The following JAKMIP3 variants were observed in gnomAD, a reference collection of about 807,000 sequenced individuals.
JAKMIP3 encodes janus kinase and microtubule-interacting protein 3.
JAKMIP3 carries 58 observed loss-of-function variants against 118.5 expected under a neutral mutation model. The ratio of observed to expected loss-of-function variants is 0.49; its 90% CI spans 0.40 to 0.61. The LOEUF is 0.61. Among genes scored for constraint, JAKMIP3 ranks in the 20% least tolerant of loss-of-function variants. JAKMIP3 has a pLI of 0.00. For missense variants in JAKMIP3, 950 were observed against 1,109.0 expected (o/e 0.86, Z 2.04); for synonymous variants, 486 against 451.2 (o/e 1.08, Z -0.98).
intron 3 of JAKMIP3, among the ~76,000 whole-genome samples, chr10:132,130,851 C>G (rs1264455031): frequency 6.6e-6 from 1 of 152,132 alleles, no homozygotes; most frequent in African/African-American, 2.4e-5. Context: ...TGAAATGCAG[C>G]TTCCCAGGCT....
chr10:132,180,767 G>GTGTATGCA (rs1554963472), intron 23 of JAKMIP3, among the ~76,000 whole-genome samples: 1 of 29,500 alleles, frequency 3.4e-5, no homozygotes, highest in African/African-American at 1.3e-4. Flanking sequence ...GTGCGTGTGT[G>GTGTATGCA]TGCGTGTGTG....
chr10:132,071,410 T>C (rs1213521781), intron 1 of JAKMIP3, among the ~76,000 whole-genome samples: 1 of 152,220 alleles, frequency 6.6e-6, no homozygotes, highest in Non-Finnish European at 1.5e-5. Flanking sequence ...ATCCCACAAA[T>C]GCCAGTCAGA....
At chr10:132,181,855 C>T (rs575512650) in intron 23 of JAKMIP3, among the ~76,000 whole-genome samples, 3 of 152,330 alleles carry the variant, frequency 2.0e-5, no homozygotes, top group African/African-American at 7.2e-5. Flanking sequence ...CCCTCGCTCC[C>T]GCCCCTCAGC....
At chr10:132,101,875 T>C (rs7908397) in intron 1 of JAKMIP3, among the ~76,000 whole-genome samples, 37,844 of 151,918 alleles carry the variant, frequency 0.25, 5,810 homozygotes, top group African/African-American at 0.44. Context: ...GGACAGGACC[T>C]GGCCCTTCCC....
chr10:132,096,419 A>G (rs2043866520), intron 1 of JAKMIP3, among the ~76,000 whole-genome samples: 2 of 152,178 alleles, frequency 1.3e-5, no homozygotes, highest in Non-Finnish European at 2.9e-5. Flanking sequence ...TCCTTTGAAG[A>G]TGGCCATGCC....
chr10:132,153,095 G>A (rs11146216), intron 17 of JAKMIP3, 72 bp downstream of exon 17: 31,885 of 1,296,484 alleles, frequency 0.025, 763 homozygotes, highest in East Asian at 0.084. Flanking sequence ...CAGCTCAGAG[G>A]TGGTGATCTC....
At chr10:132,080,540 A>T (rs113309813) in intron 1 of JAKMIP3, among the ~76,000 whole-genome samples, 18,205 of 61,850 alleles carry the variant, frequency 0.29, 2,518 homozygotes, top group Middle Eastern at 0.55. Context: ...TTTTTTTTTT[A>T]AGATGGAGTC....
At position 132,118,849 on chromosome 10, in the gene JAKMIP3, A is replaced by G. The variant is rs2048126048; in HGVS notation, c.633+1275A>G. Among the ~76,000 whole-genome samples, 1 of 152,144 alleles carries G rather than the reference A, an allele frequency of 6.6e-6. No homozygotes were observed. Among genetic ancestry groups the G allele is most frequent in the Non-Finnish European group, 1.5e-5 (1 of 68,026 alleles). On this transcript the variant is annotated intron_variant, in intron 3 of 23. Coordinates refer to ENST00000684848, the MANE Select transcript of JAKMIP3 (RefSeq NM_001323087.2). This position sits in a 1 kb window ranked among gnomAD's most constrained non-coding sequence, Gnocchi z 4.8. ...CCGGGTGCTTTCTTCGCGTGACACGATGCTTGCTTTTCTGTGCGGGGAAGG... is the reference window on the plus strand; with the variant it reads ...CCGGGTGCTTTCTTCGCGTGACACGGTGCTTGCTTTTCTGTGCGGGGAAGG...
At chr10:132,155,725 G>A (rs2057011551) in intron 19 of JAKMIP3, among the ~76,000 whole-genome samples, 1 of 152,204 alleles carries the variant, frequency 6.6e-6, no homozygotes, top group Admixed American at 6.5e-5. Flanking sequence ...CCCTCCTGTT[G>A]CTATGGTTAG....
chr10:132,083,614 C>T (rs780296695), intron 1 of JAKMIP3, among the ~76,000 whole-genome samples: 3 of 152,126 alleles, frequency 2.0e-5, no homozygotes, highest in Non-Finnish European at 4.4e-5. Context: ...CCTAAGCCAA[C>T]GTCTAGAAGA....
At chr10:132,145,044 T>A in intron 11 of JAKMIP3, 63 bp from the exon 12 acceptor site, 6 of 1,357,644 alleles carry the variant, frequency 4.4e-6, no homozygotes, top group South Asian at 3.7e-5. Context: ...GTCCCACGAG[T>A]GTGTGTGCTG....
intron 23 of JAKMIP3, among the ~76,000 whole-genome samples, chr10:132,180,732 T>C (rs867722001): frequency 0.018 from 220 of 12,320 alleles, 39 homozygotes; most frequent in East Asian, 0.058. Flanking sequence ...TGTGTGTGCG[T>C]GTGTGCGTGC....
chr10:132,037,230 ACAGTTTTCCTAGAAAATATTCT>A (rs1309620194), intron 1 of JAKMIP3, among the ~76,000 whole-genome samples: 1 of 152,126 alleles, frequency 6.6e-6, no homozygotes, highest in Non-Finnish European at 1.5e-5. Context: ...GCCGGCCTGG[ACAGTTTTCCTAGAAAATATTCT>A]CTGCGTGTAC....
chr10:132,146,124 GC>G (rs1285122447), intron 13 of JAKMIP3, among the ~76,000 whole-genome samples: 3 of 146,798 alleles, frequency 2.0e-5, no homozygotes, highest in Non-Finnish European at 4.5e-5. Flanking sequence ...CTGAAGTGCT[GC>G]CCCGCCCCCA....
rs1160586048 is a variant in JAKMIP3 at position 132,184,789 on chromosome 10, T to TA, written c.*3542dup. Reference sequence around the variant, plus strand: ...TTTGTAAATTATTGTACAGTTTTAATAAAAAATGTTTTAAATCTTAGACGA... The same window carrying TA: ...TTTGTAAATTATTGTACAGTTTTAATAAAAAAATGTTTTAAATCTTAGACGA... On this transcript the variant is annotated 3_prime_UTR_variant, in exon 24 of 24. Coordinates refer to ENST00000684848, the MANE Select transcript of JAKMIP3 (RefSeq NM_001323087.2). 9 of 152,340 alleles carry TA rather than the reference T, an allele frequency of 5.9e-5. No homozygotes were observed. In the East Asian group the frequency reaches 1.3e-3, roughly 23 times the overall value. The allele number at this position is 152,340 out of a possible 1,614,324, so 9.4% of individuals were successfully genotyped here.
intron 6 of JAKMIP3, among the ~76,000 whole-genome samples, chr10:132,136,296 C>T (rs996163748): frequency 2.0e-5 from 3 of 152,194 alleles, no homozygotes; most frequent in African/African-American, 4.8e-5. Context: ...GCAAAGGATG[C>T]GGCTGTGGGG....
At chr10:132,119,044 C>A (rs2048150926) in intron 3 of JAKMIP3, among the ~76,000 whole-genome samples, 2 of 152,156 alleles carry the variant, frequency 1.3e-5, no homozygotes, top group Admixed American at 6.5e-5. Flanking sequence ...TCCCTGCCAT[C>A]CCCTCTCACC....
chr10:132,071,354 A>G (rs981209892), intron 1 of JAKMIP3, among the ~76,000 whole-genome samples: 1 of 152,044 alleles, frequency 6.6e-6, no homozygotes, highest in African/African-American at 2.4e-5. Flanking sequence ...TGAATGTTTT[A>G]TGTGTGCATC....
chr10:132,042,310 C>T (rs1333918203), intron 1 of JAKMIP3, among the ~76,000 whole-genome samples: 3 of 152,044 alleles, frequency 2.0e-5, no homozygotes, highest in African/African-American at 4.8e-5. Context: ...CTACTGGGCT[C>T]AAGTGATCCT....
Sources: allele counts gnomAD v4.1 joint callset (sites outside exome capture counted in the v4.1 genomes callset), GRCh38; gene constraint gnomAD v4.1.1; non-coding constraint Gnocchi (gnomAD v3.1); transcripts MANE v1.5; gene names NCBI Gene and HGNC (gene_info 2026-07-23, HGNC 2026-07-21).